Variants in DLGAP1 observed in about 807,000 individuals in gnomAD.
DLGAP1 encodes the protein disks large-associated protein 1.
In DLGAP1, 11 loss-of-function variants were observed where a neutral mutation model predicts 90.8. The observed-to-expected ratio is 0.12, with a 90% CI of 0.08 to 0.20. The LOEUF (loss-of-function observed/expected upper bound fraction) is 0.20, where lower values mean the gene tolerates loss of function less well. DLGAP1 is among the 10% of genes least tolerant of loss of function. The pLI, the probability that DLGAP1 is intolerant of heterozygous loss-of-function variation, is 1.00. For synonymous variants in DLGAP1, 558 were observed against 540.7 expected, an observed-to-expected ratio of 1.03 and a Z score of -0.44; for missense variants, 1,050 against 1,333.8, an observed-to-expected ratio of 0.79 and a Z score of 3.31.
chr18:3,687,807 C>A (rs570210614), intron 7 of DLGAP1, among the ~76,000 whole-genome samples: 1 of 151,980 alleles, frequency 6.6e-6, no homozygotes, highest in Admixed American at 6.6e-5. Flanking sequence ...GTAAAAAGGG[C>A]CGAAGTAAAC....
chr18:4,398,430 C>T (rs566511090), intron 1 of DLGAP1, among the ~76,000 whole-genome samples: 3 of 152,292 alleles, frequency 2.0e-5, no homozygotes, highest in African/African-American at 7.2e-5. Context: ...TTACAGTTAG[C>T]GGATATGCTA....
intron 7 of DLGAP1, among the ~76,000 whole-genome samples, chr18:3,614,387 G>GA (rs1422965672): frequency 6.6e-6 from 1 of 152,124 alleles, no homozygotes; most frequent in Non-Finnish European, 1.5e-5. Context: ...TAGAAAGGGA[G>GA]AAAATGCTGT....
At chr18:3,833,946 A>G (rs1341102995) in intron 4 of DLGAP1, among the ~76,000 whole-genome samples, 2 of 152,222 alleles carry the variant, frequency 1.3e-5, no homozygotes, top group Non-Finnish European at 2.9e-5. Context: ...AATACAAATA[A>G]AACATTTACC....
intron 2 of DLGAP1, among the ~76,000 whole-genome samples, chr18:4,108,539 T>TTA (rs1555741592): frequency 1.3e-5 from 2 of 149,582 alleles, no homozygotes; most frequent in African/African-American, 2.4e-5. Flanking sequence ...TATTACACAA[T>TTA]AAAAAAAAAA....
rs140575931 is a variant in DLGAP1, at chr18:4,154,269, C to T, written c.-266-2982G>A. ...AATTTCTCGTAGAGATAGAGTCTCT[C>T]CATGTTGCTCAGGCTGGTCTCAAAC... On this transcript the variant is annotated intron_variant, in intron 1 of 12. Transcript: ENST00000315677. Among the ~76,000 whole-genome samples, 1,433 of 150,934 alleles carry T rather than the reference C, an allele frequency of 9.5e-3. 15 individuals are homozygous for T. Among genetic ancestry groups the T allele is most frequent in the African/African-American group, 0.033 (1,366 of 41,000 alleles).
At chr18:3,694,847 G>A (rs1244915525) in intron 7 of DLGAP1, among the ~76,000 whole-genome samples, 1 of 151,770 alleles carries the variant, frequency 6.6e-6, no homozygotes, top group Non-Finnish European at 1.5e-5. Context: ...TCACTCTGAT[G>A]AGTTTCTTTT....
chr18:3,590,582 C>T (rs1383679475), intron 7 of DLGAP1, among the ~76,000 whole-genome samples: 1 of 152,060 alleles, frequency 6.6e-6, no homozygotes, highest in Non-Finnish European at 1.5e-5. Flanking sequence ...GGGTCAGGTA[C>T]GGTGGCCCAC....
intron 1 of DLGAP1, among the ~76,000 whole-genome samples, chr18:4,421,678 A>C (rs2083035983): frequency 6.6e-6 from 1 of 152,158 alleles, no homozygotes; most frequent in Admixed American, 6.6e-5. Flanking sequence ...CTTGGAAAAA[A>C]TGTGCATATT....
At chr18:4,154,891 T>C (rs80026235) in intron 1 of DLGAP1, among the ~76,000 whole-genome samples, 1 of 152,204 alleles carries the variant, frequency 6.6e-6, no homozygotes, top group Non-Finnish European at 1.5e-5. Flanking sequence ...GGGATGAGAA[T>C]ACATTAGTGA....
chr18:4,082,292 A>C (rs1306868474), intron 2 of DLGAP1, among the ~76,000 whole-genome samples: 1 of 146,206 alleles, frequency 6.8e-6, no homozygotes, highest in Non-Finnish European at 1.5e-5. Flanking sequence ...CAGTGAGCCG[A>C]GATTGCACCA....
chr18:4,008,226 T>TATAC (rs1555724078), intron 2 of DLGAP1, among the ~76,000 whole-genome samples: 10 of 147,102 alleles, frequency 6.8e-5, no homozygotes, highest in African/African-American at 2.0e-4. Flanking sequence ...TATATATATA[T>TATAC]ACACACACAC....
chr18:3,858,641 G>A (rs754074294), intron 4 of DLGAP1, among the ~76,000 whole-genome samples: 22 of 151,884 alleles, frequency 1.4e-4, no homozygotes, highest in Middle Eastern at 3.4e-3. Context: ...ATGAATAATT[G>A]GTGTTTTACT....
chr18:3,843,313 T>A (rs2068823725), intron 4 of DLGAP1, among the ~76,000 whole-genome samples: 1 of 152,212 alleles, frequency 6.6e-6, no homozygotes, highest in South Asian at 2.1e-4. Flanking sequence ...AGACAAAAGA[T>A]CATGAAGCTG....
chr18:4,191,869 T>G (rs1014021687), intron 1 of DLGAP1, among the ~76,000 whole-genome samples: 1 of 152,166 alleles, frequency 6.6e-6, no homozygotes, highest in African/African-American at 2.4e-5. Flanking sequence ...TTTCTTCTAA[T>G]GGAATGAGAG....
intron 1 of DLGAP1, among the ~76,000 whole-genome samples, chr18:4,239,984 C>CT (rs1185383821): frequency 1.2e-4 from 19 of 152,202 alleles, no homozygotes; most frequent in Admixed American, 9.2e-4. Flanking sequence ...ATTTAAACCT[C>CT]TTTTTTCATC....
At chr18:3,682,934 G>C (rs763305448) in intron 7 of DLGAP1, among the ~76,000 whole-genome samples, 1 of 150,890 alleles carries the variant, frequency 6.6e-6, no homozygotes, top group African/African-American at 2.4e-5. Flanking sequence ...CTCAGCTCAC[G>C]GCAACCTCTG....
intron 3 of DLGAP1, among the ~76,000 whole-genome samples, chr18:3,988,120 G>A (rs2073880460): frequency 6.6e-6 from 1 of 151,988 alleles, no homozygotes; most frequent in South Asian, 2.1e-4. Flanking sequence ...ATCTGGGGGT[G>A]ATGGGAGACA....
chr18:4,274,077 T>G (rs1449478823), intron 1 of DLGAP1, among the ~76,000 whole-genome samples: 2 of 152,034 alleles, frequency 1.3e-5, no homozygotes, highest in Non-Finnish European at 2.9e-5. Flanking sequence ...GTTTGCTTTT[T>G]TTTTTTCCTC....
At chr18:4,266,155 A>C (rs2145312224) in intron 1 of DLGAP1, among the ~76,000 whole-genome samples, 1 of 152,284 alleles carries the variant, frequency 6.6e-6, no homozygotes, top group Admixed American at 6.5e-5. Flanking sequence ...GATTTTTCAA[A>C]ATAAATTATA....
Sources: allele counts gnomAD v4.1 joint callset (sites outside exome capture counted in the v4.1 genomes callset), GRCh38; gene constraint gnomAD v4.1.1; transcripts MANE v1.5; gene names NCBI Gene and HGNC (gene_info 2026-07-23, HGNC 2026-07-21).